Variants in AFF3 observed in about 807,000 individuals in gnomAD.
AFF3 encodes ALF transcription elongation factor 3, also known as AF4/FMR2 family member 3.
A neutral mutation model predicts 129.7 loss-of-function variants in AFF3; 32 were observed. The observed-to-expected ratio is 0.25, with a 90% CI of 0.19 to 0.33. The LOEUF is 0.33. Among genes scored for constraint, AFF3 ranks in the 10% least tolerant of loss-of-function variants. The pLI is 1.00. For synonymous variants in AFF3, 644 were observed against 635.4 expected, an observed-to-expected ratio of 1.01 and a Z score of -0.20; for missense variants, 1,373 against 1,592.0, an observed-to-expected ratio of 0.86 and a Z score of 2.34.
At chr2:99,903,781 T>C (rs993231479) in intron 7 of AFF3, among the ~76,000 whole-genome samples, 1 of 152,168 alleles carries the variant, frequency 6.6e-6, no homozygotes, top group African/African-American at 2.4e-5. Flanking sequence ...CACATCCATT[T>C]GAATGGAAAA....
chr2:99,774,758 T>G (rs568149541), intron 8 of AFF3, among the ~76,000 whole-genome samples: 2 of 152,178 alleles, frequency 1.3e-5, no homozygotes, highest in East Asian at 3.9e-4. Context: ...CTAATTAAAC[T>G]AAAAAGCTTC....
chr2:99,579,517 C>T (rs1156245147), intron 17 of AFF3, among the ~76,000 whole-genome samples: 1 of 152,006 alleles, frequency 6.6e-6, no homozygotes, highest in African/African-American at 2.4e-5. Context: ...GTCAGGAGTT[C>T]AAGACCAGCC....
intron 4 of AFF3, among the ~76,000 whole-genome samples, chr2:100,022,712 C>G (rs1303007569): frequency 6.6e-6 from 1 of 152,102 alleles, no homozygotes; most frequent in Non-Finnish European, 1.5e-5. Flanking sequence ...GCGCCTGGCC[C>G]TGTCTCTTTT....
chr2:99,898,339 T>C (rs1576305988), intron 7 of AFF3, among the ~76,000 whole-genome samples: 1 of 152,296 alleles, frequency 6.6e-6, no homozygotes, highest in Non-Finnish European at 1.5e-5. Flanking sequence ...ACTCAAGTCA[T>C]AGAGGCCAGA....
At chr2:99,923,256 G>C (rs371723733) in intron 7 of AFF3, among the ~76,000 whole-genome samples, 1 of 152,140 alleles carries the variant, frequency 6.6e-6, no homozygotes, top group African/African-American at 2.4e-5. Context: ...AGACCATACT[G>C]CTCAAAGTTC....
chr2:99,729,143 T>A (rs1382495852), intron 10 of AFF3, among the ~76,000 whole-genome samples: 1 of 152,172 alleles, frequency 6.6e-6, no homozygotes, highest in African/African-American at 2.4e-5. Context: ...CCACATTCCA[T>A]CTTAATGAAG....
chr2:99,613,058 A>G (rs1208857457), intron 13 of AFF3, among the ~76,000 whole-genome samples: 1 of 152,250 alleles, frequency 6.6e-6, no homozygotes, highest in East Asian at 1.9e-4. Flanking sequence ...AATAAAACAC[A>G]TGACACCATT....
At chr2:99,635,552 T>C (rs556698986) in intron 13 of AFF3, among the ~76,000 whole-genome samples, 184 of 152,282 alleles carry the variant, frequency 1.2e-3, no homozygotes, top group African/African-American at 4.3e-3. Context: ...TCCTCCCACC[T>C]TGGCCTTCCA....
chr2:100,123,380 C>T (rs1307769576), intron 2 of AFF3, among the ~76,000 whole-genome samples: 1 of 152,154 alleles, frequency 6.6e-6, no homozygotes, highest in Non-Finnish European at 1.5e-5. Context: ...TGGTGTGCTC[C>T]TGGTGACATG....
intron 2 of AFF3, among the ~76,000 whole-genome samples, chr2:100,118,157 C>T (rs1489550106): frequency 1.3e-5 from 2 of 152,078 alleles, no homozygotes; most frequent in African/African-American, 4.8e-5. Context: ...TCCTTAATGC[C>T]CTTATATCCT....
intron 7 of AFF3, among the ~76,000 whole-genome samples, chr2:99,919,081 A>G (rs1205933151): frequency 6.6e-6 from 1 of 152,110 alleles, no homozygotes; most frequent in African/African-American, 2.4e-5. Context: ...ATGAATATAG[A>G]CAATAATCAT....
At chr2:100,028,076 T>C (rs1398679907) in intron 4 of AFF3, among the ~76,000 whole-genome samples, 1 of 152,078 alleles carries the variant, frequency 6.6e-6, no homozygotes, top group East Asian at 1.9e-4. Context: ...ACAAACCAAA[T>C]CAAGGTGAAA....
At chr2:99,735,485 G>A (rs1680177948) in intron 10 of AFF3, among the ~76,000 whole-genome samples, 1 of 151,530 alleles carries the variant, frequency 6.6e-6, no homozygotes, top group South Asian at 2.1e-4. Context: ...TTGTTTGCTA[G>A]TATGAGTCAT....
chr2:100,014,823 G>C (rs1226314557), intron 4 of AFF3, among the ~76,000 whole-genome samples: 2 of 128,842 alleles, frequency 1.6e-5, no homozygotes, highest in African/African-American at 3.1e-5. Context: ...TCACTCTGTT[G>C]CCCAGGCTGG....
intron 7 of AFF3, among the ~76,000 whole-genome samples, chr2:99,914,197 A>G (rs988630756): frequency 6.6e-5 from 10 of 152,214 alleles, no homozygotes; most frequent in African/African-American, 2.4e-4. Flanking sequence ...CTGCCTCTTG[A>G]CATGATGTGC....
At chr2:99,755,430 GC>G (rs1448851205) in intron 8 of AFF3, among the ~76,000 whole-genome samples, 7 of 152,024 alleles carry the variant, frequency 4.6e-5, no homozygotes, top group African/African-American at 1.7e-4. Context: ...ACCACACCTG[GC>G]TAATTCTGTA....
Position 99,554,253 on chromosome 2 carries a change from A to G in AFF3, c.3559+58T>C, listed in dbSNP as rs923150239. ...CAGCTACTCAGGAGGCCGAGGCAGA[A>G]GAATCGCTTGAACCCGGGAGGCGGA... On this transcript the variant is annotated intron_variant, in intron 24 of 24. Transcript: ENST00000672756. 7.0e-6 allele frequency: 11 copies of G among 1,580,546 alleles called. No individual in the cohort carries two copies. The East Asian group carries it at 2.5e-4, about 35-fold the overall frequency.
intron 7 of AFF3, among the ~76,000 whole-genome samples, chr2:99,878,648 G>GGTAAAT (rs1349252150): frequency 1.3e-5 from 2 of 152,094 alleles, no homozygotes; most frequent in Non-Finnish European, 2.9e-5. Flanking sequence ...CATAGTAAAT[G>GGTAAAT]GTAAATGTAA....
At chr2:99,709,217 C>G (rs1677681403) in intron 11 of AFF3, among the ~76,000 whole-genome samples, 1 of 152,090 alleles carries the variant, frequency 6.6e-6, no homozygotes, top group African/African-American at 2.4e-5. Context: ...AGGGAGATCT[C>G]TTTTTTGAAA....
Sources: allele counts gnomAD v4.1 joint callset (sites outside exome capture counted in the v4.1 genomes callset), GRCh38; gene constraint gnomAD v4.1.1; transcripts MANE v1.5; gene names NCBI Gene and HGNC (gene_info 2026-07-23, HGNC 2026-07-21).